The following ENTREP2 variants were observed in gnomAD, a reference collection of about 807,000 sequenced individuals.
ENTREP2 encodes the protein protein ENTREP2.
the ENTREP2 span, among the ~76,000 whole-genome samples, chr15:29,139,947 C>CAGGCTGCCGTGCCT: frequency 6.6e-6 from 1 of 152,190 alleles, no homozygotes; most frequent in Non-Finnish European, 1.5e-5. Flanking sequence ...CTACGCTTCC[C>CAGGCTGCCGTGCCT]AGGCTGCCGT....
chr15:29,421,150 G>A, the ENTREP2 span, among the ~76,000 whole-genome samples: 1 of 152,192 alleles, frequency 6.6e-6, no homozygotes, highest in East Asian at 1.9e-4. Flanking sequence ...CTAGAGCTGA[G>A]CTGAGTCAGT....
At chr15:29,139,105 A>C in the ENTREP2 span, among the ~76,000 whole-genome samples, 1 of 152,148 alleles carries the variant, frequency 6.6e-6, no homozygotes, top group Non-Finnish European at 1.5e-5. Context: ...GACAGAGGCC[A>C]GGACGTGAAG....
At chr15:29,268,942 T>A in the ENTREP2 span, 3,159 of 1,614,172 alleles carry the variant, frequency 2.0e-3, 59 homozygotes, top group African/African-American at 0.037. Context: ...GGTTTCCAGG[T>A]TGGTTCGCGG....
the ENTREP2 span, among the ~76,000 whole-genome samples, chr15:29,483,294 T>C: frequency 8.5e-5 from 13 of 152,344 alleles, no homozygotes; most frequent in African/African-American, 3.1e-4. Flanking sequence ...CTTTTCATTC[T>C]CTTGACACTG....
the ENTREP2 span, among the ~76,000 whole-genome samples, chr15:29,325,423 T>C: frequency 6.6e-6 from 1 of 151,992 alleles, no homozygotes; most frequent in Non-Finnish European, 1.5e-5. Flanking sequence ...CAGAAATAAA[T>C]TAAGGGATTA....
chr15:29,360,689 C>T, the ENTREP2 span, among the ~76,000 whole-genome samples: 65 of 152,296 alleles, frequency 4.3e-4, no homozygotes, highest in Non-Finnish European at 8.2e-4. Flanking sequence ...GCTTATACCA[C>T]GTGGAACAGG....
the ENTREP2 span, among the ~76,000 whole-genome samples, chr15:29,163,392 C>T: frequency 6.6e-6 from 1 of 151,380 alleles, no homozygotes; most frequent in East Asian, 1.9e-4. Flanking sequence ...AGGTGAAGCT[C>T]AATGCAAGGA....
At chr15:29,559,850 T>C in the ENTREP2 span, among the ~76,000 whole-genome samples, 7 of 152,316 alleles carry the variant, frequency 4.6e-5, no homozygotes, top group South Asian at 1.5e-3. Context: ...GATTCACAGC[T>C]TCTAGGGATT....
chr15:29,343,948 C>G, the ENTREP2 span, among the ~76,000 whole-genome samples: 1 of 152,162 alleles, frequency 6.6e-6, no homozygotes, highest in Non-Finnish European at 1.5e-5. Context: ...AAAAGATGAA[C>G]TGCTCAGGAA....
the ENTREP2 span, among the ~76,000 whole-genome samples, chr15:29,298,990 GA>G: frequency 2.0e-5 from 3 of 151,422 alleles, no homozygotes; most frequent in African/African-American, 7.3e-5. Context: ...ACTTGAAAGT[GA>G]AAAAAAGAAA....
the ENTREP2 span, among the ~76,000 whole-genome samples, chr15:29,631,599 G>C: frequency 6.6e-6 from 1 of 152,224 alleles, no homozygotes; most frequent in African/African-American, 2.4e-5. Context: ...TTGATGTGTT[G>C]AACTGGTCAG....
chr15:29,346,422 G>A, the ENTREP2 span, among the ~76,000 whole-genome samples: 27 of 152,134 alleles, frequency 1.8e-4, no homozygotes, highest in Non-Finnish European at 2.6e-4. Flanking sequence ...CTTTCTGTCC[G>A]CAGGGCCTGG....
the ENTREP2 span, among the ~76,000 whole-genome samples, chr15:29,479,604 CTCTCTCTCCCTCCCTCTCTT>C: frequency 9.0e-6 from 1 of 111,508 alleles, no homozygotes; most frequent in Non-Finnish European, 1.8e-5. Flanking sequence ...GGCTGCAATT[CTCTCTCTCCCTCCCTCTCTT>C]TCTCTCTCCC....
At chr15:29,332,511 G>A in the ENTREP2 span, among the ~76,000 whole-genome samples, 1 of 152,170 alleles carries the variant, frequency 6.6e-6, no homozygotes, top group African/African-American at 2.4e-5. Flanking sequence ...TAGATTAGGT[G>A]GTGTCCTGAG....
the ENTREP2 span, among the ~76,000 whole-genome samples, chr15:29,367,425 G>A: frequency 0.17 from 25,977 of 152,072 alleles, 2,434 homozygotes; most frequent in East Asian, 0.38. Context: ...TTTTCCCTGG[G>A]GGTGACTGTC....
At chr15:29,377,472 A>G in the ENTREP2 span, among the ~76,000 whole-genome samples, 13 of 152,078 alleles carry the variant, frequency 8.5e-5, no homozygotes, top group Admixed American at 7.9e-4. Flanking sequence ...CCAGGCAAGG[A>G]CCTGCCCTAG....
chr15:29,609,834 C>T, the ENTREP2 span: 1 of 150,306 alleles, frequency 6.7e-6, no homozygotes, highest in African/African-American at 2.4e-5. Context: ...AGGATATGAA[C>T]ACAGTAGGTG....
the ENTREP2 span, among the ~76,000 whole-genome samples, chr15:29,208,042 T>TTCTGAGCCGGGACTCATTC: frequency 2.0e-5 from 3 of 151,932 alleles, no homozygotes; most frequent in Admixed American, 6.5e-5. Flanking sequence ...CCTGGGGGGC[T>TTCTGAGCCGGGACTCATTC]TACAAATGCC....
chr15:29,482,872 G>T, the ENTREP2 span, among the ~76,000 whole-genome samples: 3 of 152,202 alleles, frequency 2.0e-5, no homozygotes, highest in Non-Finnish European at 4.4e-5. Flanking sequence ...TATGACTGTA[G>T]GCTCATAGGG....
Sources: gnomAD v4.1 joint callset for allele counts (sites outside exome capture counted in the v4.1 genomes callset) on GRCh38, gnomAD v4.1.1 for gene constraint, MANE v1.5 for transcripts, NCBI Gene and HGNC (gene_info 2026-07-23, HGNC 2026-07-21) for gene names.